The following DLGAP1 variants were observed in gnomAD, a reference collection of about 807,000 sequenced individuals.
DLGAP1 encodes disks large-associated protein 1.
DLGAP1 carries 11 observed loss-of-function variants against 90.8 expected under a neutral mutation model. The observed-to-expected ratio is 0.12, with a 90% CI of 0.08 to 0.20. The LOEUF is 0.20. Ranked by LOEUF, DLGAP1 falls within the 10% of genes least tolerant of loss-of-function variation. DLGAP1 has a pLI of 1.00. For synonymous variants in DLGAP1, 558 were observed against 540.7 expected (o/e 1.03, Z -0.44); for missense variants, 1,050 against 1,333.8 (o/e 0.79, Z 3.31).
chr18:3,745,223 G>A (rs1350791482), intron 5 of DLGAP1, among the ~76,000 whole-genome samples: 1 of 152,188 alleles, frequency 6.6e-6, no homozygotes, highest in Non-Finnish European at 1.5e-5. Flanking sequence ...GATATCTGAA[G>A]GGTATGGAGT....
chr18:4,076,045 G>A (rs2075518779), intron 2 of DLGAP1, among the ~76,000 whole-genome samples: 1 of 152,054 alleles, frequency 6.6e-6, no homozygotes, highest in Non-Finnish European at 1.5e-5. Context: ...AATGCCTATT[G>A]CATTTCCTCA....
chr18:4,432,604 G>GTGTGTGTGTA (rs2083312609), intron 1 of DLGAP1, among the ~76,000 whole-genome samples: 1 of 151,270 alleles, frequency 6.6e-6, no homozygotes, highest in Non-Finnish European at 1.5e-5. Context: ...GTGTGTGTGT[G>GTGTGTGTGTA]TGTGTGTGTG....
At chr18:3,924,494 A>T (rs1047544014) in intron 3 of DLGAP1, among the ~76,000 whole-genome samples, 12 of 152,158 alleles carry the variant, frequency 7.9e-5, no homozygotes, top group African/African-American at 2.9e-4. Flanking sequence ...TACTAAGTCA[A>T]TGCCATTAGC....
chr18:3,572,456 G>GTTTGTTTT (rs2145217186), intron 8 of DLGAP1, among the ~76,000 whole-genome samples: 1 of 150,650 alleles, frequency 6.6e-6, no homozygotes, highest in East Asian at 2.0e-4. Context: ...TTGTTTGTTT[G>GTTTGTTTT]TTTGTTTCTG....
At chr18:4,439,133 C>A (rs991229241) in intron 1 of DLGAP1, among the ~76,000 whole-genome samples, 2 of 152,170 alleles carry the variant, frequency 1.3e-5, no homozygotes, top group Non-Finnish European at 2.9e-5. Context: ...CATCACAGCA[C>A]CCCGTGGCCT....
At chr18:4,286,223 G>A (rs1374052776) in intron 1 of DLGAP1, among the ~76,000 whole-genome samples, 1 of 152,090 alleles carries the variant, frequency 6.6e-6, no homozygotes, top group Non-Finnish European at 1.5e-5. Flanking sequence ...GGAGAGATGG[G>A]CCAAATTAAG....
At chr18:4,204,916 C>T (rs1598616233) in intron 1 of DLGAP1, among the ~76,000 whole-genome samples, 2 of 151,072 alleles carry the variant, frequency 1.3e-5, no homozygotes, top group Non-Finnish European at 2.9e-5. Context: ...TTTCATAATC[C>T]ATTTGAACTT....
intron 5 of DLGAP1, among the ~76,000 whole-genome samples, chr18:3,808,330 T>C (rs1371371796): frequency 6.6e-6 from 1 of 151,288 alleles, no homozygotes; most frequent in East Asian, 1.9e-4. Context: ...GCGTTTCTTA[T>C]TATATTGGAA....
In DLGAP1 at chr18:3,833,236, TCCTC is replaced by T. The variant is rs1450312250; in HGVS notation, c.958-18967_958-18964del. 3.9e-4 allele frequency among the ~76,000 whole-genome samples: 45 copies of T among 115,224 alleles called. 1 individual carries two copies. Among genetic ancestry groups the T allele is most frequent in the Non-Finnish European group, 4.5e-4 (26 of 57,714 alleles). 75.6% of individuals were successfully genotyped at this position (115,224 alleles called of 152,430 possible). ...TTCCTTCCTTCCTTCCTTCCTTCCT[TCCTC>T]CTTGTTTTTTTTTGACAGGGTCTCA... On this transcript the variant is annotated intron_variant, in intron 4 of 12. Coordinates refer to ENST00000315677, the MANE Select transcript of DLGAP1 (RefSeq NM_004746.4).
intron 2 of DLGAP1, among the ~76,000 whole-genome samples, chr18:4,063,120 T>C (rs1274011932): frequency 1.3e-5 from 2 of 152,134 alleles, no homozygotes; most frequent in East Asian, 1.9e-4. Context: ...TAAAAAAGCT[T>C]GGTATCCAAA....
intron 1 of DLGAP1, among the ~76,000 whole-genome samples, chr18:4,453,342 T>G (rs907814914): frequency 2.7e-5 from 4 of 147,084 alleles, no homozygotes; most frequent in African/African-American, 1.0e-4. Flanking sequence ...TTGAATTTCC[T>G]TTTAAAAACT....
chr18:4,136,196 C>A (rs937581557), intron 2 of DLGAP1, among the ~76,000 whole-genome samples: 50 of 152,160 alleles, frequency 3.3e-4, no homozygotes, highest in African/African-American at 1.1e-3. Flanking sequence ...AGTAGTGCTG[C>A]AAAAAACTTG....
intron 3 of DLGAP1, among the ~76,000 whole-genome samples, chr18:3,937,003 T>C (rs147245646): frequency 3.5e-4 from 54 of 152,280 alleles, no homozygotes; most frequent in Non-Finnish European, 7.1e-4. Flanking sequence ...AGAGAACTAA[T>C]GGAGGAGCAC....
chr18:4,260,443 C>T (rs2078980790), intron 1 of DLGAP1, among the ~76,000 whole-genome samples: 1 of 152,078 alleles, frequency 6.6e-6, no homozygotes, highest in Non-Finnish European at 1.5e-5. Context: ...TAAGCATTTA[C>T]AAGAAAAAGC....
chr18:4,348,787 AAAT>A (rs1349364321), intron 1 of DLGAP1, among the ~76,000 whole-genome samples: 1 of 152,142 alleles, frequency 6.6e-6, no homozygotes, highest in African/African-American at 2.4e-5. Flanking sequence ...GCAACAAACT[AAAT>A]GATGATAATA....
intron 1 of DLGAP1, among the ~76,000 whole-genome samples, chr18:4,407,917 C>A (rs1037635138): frequency 1.3e-5 from 2 of 151,894 alleles, no homozygotes; most frequent in Admixed American, 1.3e-4. Flanking sequence ...AAGTATCTAA[C>A]AGGCACTCAA....
chr18:3,657,812 G>A (rs2059553061), intron 7 of DLGAP1, among the ~76,000 whole-genome samples: 1 of 151,746 alleles, frequency 6.6e-6, no homozygotes, highest in Non-Finnish European at 1.5e-5. Flanking sequence ...CACCGTGTTA[G>A]CCAGGATGGT....
chr18:3,871,069 G>C (rs1199592256), intron 4 of DLGAP1, among the ~76,000 whole-genome samples: 2 of 152,198 alleles, frequency 1.3e-5, no homozygotes, highest in African/African-American at 4.8e-5. Context: ...TGCCTTAAAA[G>C]GATGTTATGA....
At chr18:3,806,666 C>T (rs186783659) in intron 5 of DLGAP1, among the ~76,000 whole-genome samples, 2 of 152,304 alleles carry the variant, frequency 1.3e-5, no homozygotes, top group East Asian at 3.9e-4. Flanking sequence ...TGGCAGGTGG[C>T]AGACAGAAAA....
Sources: gnomAD v4.1 joint callset for allele counts (sites outside exome capture counted in the v4.1 genomes callset) on GRCh38, gnomAD v4.1.1 for gene constraint, MANE v1.5 for transcripts, NCBI Gene and HGNC (gene_info 2026-07-23, HGNC 2026-07-21) for gene names.